Variants in PACRG observed in about 807,000 individuals in gnomAD.
PACRG encodes the protein parkin coregulated gene protein.
A neutral mutation model predicts 29.7 loss-of-function variants in PACRG; 29 were observed. The observed-to-expected ratio is 0.98, with a 90% CI of 0.73 to 1.33. The LOEUF (loss-of-function observed/expected upper bound fraction) is 1.33. Ranked by LOEUF, PACRG falls within the 40% of genes most tolerant of loss-of-function variation. The probability of loss-of-function intolerance (pLI) is 0.00; values close to 1 mark genes in which losing one functional copy is unlikely to be tolerated. For synonymous variants in PACRG, 116 were observed against 118.7 expected, an observed-to-expected ratio of 0.98 and a Z score of 0.15; for missense variants, 279 against 316.2, an observed-to-expected ratio of 0.88 and a Z score of 0.89.
Position 162,881,516 on chromosome 6 carries a change from G to T in PACRG, c.291+67235G>T, listed in dbSNP as rs1196582429. Among the ~76,000 whole-genome samples the T allele has an allele frequency of 3.3e-5, 5 of 152,292 alleles. No individual in the cohort carries two copies. In the East Asian group the frequency reaches 9.7e-4, roughly 29 times the overall value. On this transcript the variant is annotated intron_variant, in intron 2 of 4. Transcript: ENST00000366888. Reference sequence around the variant, plus strand: ...TCATCATGTTCAAGAGATTTGCAAAGAGGTGCACTTGTGGATGTTCACATG... The same window carrying T: ...TCATCATGTTCAAGAGATTTGCAAATAGGTGCACTTGTGGATGTTCACATG...
chr6:162,971,419 A>G (rs1801519232), intron 2 of PACRG, among the ~76,000 whole-genome samples: 1 of 152,200 alleles, frequency 6.6e-6, no homozygotes, highest in African/African-American at 2.4e-5. Flanking sequence ...CGGCATTATG[A>G]AGATCTGTAA....
intron 1 of PACRG, among the ~76,000 whole-genome samples, chr6:162,751,647 C>G (rs1035220705): frequency 6.6e-6 from 1 of 152,108 alleles, no homozygotes; most frequent in Non-Finnish European, 1.5e-5. Flanking sequence ...CTCTGAACTA[C>G]AAATATGCTC....
At position 163,269,412 on chromosome 6, in the gene PACRG, A is replaced by T. The variant is rs79699353; in HGVS notation, c.614-45415A>T. Among the ~76,000 whole-genome samples, 3 of 152,318 alleles carry T rather than the reference A, an allele frequency of 2.0e-5. No homozygotes were observed. The East Asian group carries it at 5.8e-4, about 29-fold the overall frequency. On this transcript the variant is annotated intron_variant, in intron 4 of 4. Coordinates refer to ENST00000366888, the MANE Select transcript of PACRG (RefSeq NM_001080379.2). The stretch of plus-strand genomic sequence containing the variant: ...TGTTTGGAGATGATTCTTCTGGTTG[A>T]CAGGTTCTGTAGATAGCCCCTACAT...
chr6:162,913,866 C>T (rs748299190), intron 2 of PACRG, among the ~76,000 whole-genome samples: 5 of 151,954 alleles, frequency 3.3e-5, no homozygotes, highest in African/African-American at 4.8e-5. Context: ...TTTTAGTGTG[C>T]TTATATATCT....
At chr6:163,091,336 C>T (rs1814092495) in intron 4 of PACRG, among the ~76,000 whole-genome samples, 1 of 152,112 alleles carries the variant, frequency 6.6e-6, no homozygotes, top group East Asian at 1.9e-4. Flanking sequence ...TTCTTTAAAC[C>T]TTTAACTCAC....
intron 4 of PACRG, among the ~76,000 whole-genome samples, chr6:163,282,107 T>C (rs1209585019): frequency 2.6e-5 from 4 of 152,204 alleles, no homozygotes; most frequent in Non-Finnish European, 5.9e-5. Flanking sequence ...GAATAAAGCA[T>C]TTGGATAATA....
chr6:163,180,177 G>A (rs902723591), intron 4 of PACRG, among the ~76,000 whole-genome samples: 3 of 152,228 alleles, frequency 2.0e-5, no homozygotes, highest in African/African-American at 7.2e-5. Context: ...AAGAGACTGA[G>A]CTTTGTGCTA....
intron 1 of PACRG, among the ~76,000 whole-genome samples, chr6:162,803,337 G>T (rs1031175628): frequency 1.3e-5 from 2 of 152,190 alleles, no homozygotes; most frequent in African/African-American, 4.8e-5. Context: ...AATGCTTGAA[G>T]GGCCTGTGCA....
At chr6:162,975,774 C>T (rs1224849439) in intron 2 of PACRG, among the ~76,000 whole-genome samples, 1 of 151,612 alleles carries the variant, frequency 6.6e-6, no homozygotes, top group Non-Finnish European at 1.5e-5. Flanking sequence ...TCTTCTCTCC[C>T]TCCCTTCTTC....
In PACRG at chr6:163,175,619, G is replaced by T. The variant is rs560713120; in HGVS notation, c.613+86211G>T. On this transcript the variant is annotated intron_variant, in intron 4 of 4. Transcript: ENST00000366888. ...GCTGCTGGGGTGCATAAGGGGGAGT[G>T]GGGAGGGACGGAATGTCGGGAGCAG... Among the ~76,000 whole-genome samples the T allele has an allele frequency of 2.1e-3, 316 of 152,130 alleles. 1 individual carries two copies. Among genetic ancestry groups the T allele is most frequent in the Non-Finnish European group, 3.5e-3 (236 of 67,994 alleles).
chr6:162,844,540 A>G (rs975946672), intron 2 of PACRG, among the ~76,000 whole-genome samples: 2 of 152,358 alleles, frequency 1.3e-5, no homozygotes, highest in Non-Finnish European at 1.5e-5. Context: ...ATGGAAATGC[A>G]GAAATCACCC....
At chr6:163,158,228 C>T (rs1431654479) in intron 4 of PACRG, among the ~76,000 whole-genome samples, 2 of 152,148 alleles carry the variant, frequency 1.3e-5, no homozygotes, top group African/African-American at 4.8e-5. Context: ...CAGGGAGTGG[C>T]CACCTTGATT....
At chr6:162,761,718 C>T (rs981992218) in intron 1 of PACRG, among the ~76,000 whole-genome samples, 7 of 151,870 alleles carry the variant, frequency 4.6e-5, no homozygotes, top group Admixed American at 3.3e-4. Flanking sequence ...GCAGGCAGAT[C>T]ACGAGGTCAA....
At chr6:163,015,293 G>T (rs960888415) in intron 2 of PACRG, among the ~76,000 whole-genome samples, 1 of 151,992 alleles carries the variant, frequency 6.6e-6, no homozygotes, top group African/African-American at 2.4e-5. Context: ...ATGCCTCTGG[G>T]TTTGTTCTTT....
At chr6:163,148,902 G>A (rs1777924345) in intron 4 of PACRG, among the ~76,000 whole-genome samples, 1 of 140,878 alleles carries the variant, frequency 7.1e-6, no homozygotes, top group Admixed American at 7.6e-5. Context: ...ACAACTGACC[G>A]GTGATCCATG....
chr6:162,872,874 T>C (rs1433111868), intron 2 of PACRG, among the ~76,000 whole-genome samples: 2 of 152,156 alleles, frequency 1.3e-5, no homozygotes, highest in Non-Finnish European at 2.9e-5. Flanking sequence ...CGCTCATAGG[T>C]AGTGCAATAC....
At chr6:163,090,669 A>G (rs1174271672) in intron 4 of PACRG, among the ~76,000 whole-genome samples, 1 of 152,226 alleles carries the variant, frequency 6.6e-6, no homozygotes, top group Non-Finnish European at 1.5e-5. Context: ...GCAAATATCC[A>G]TGAAGTTATG....
chr6:162,989,532 C>A lies in PACRG; in HGVS notation c.292-72618C>A, dbSNP rs982137961. ...AACCATCTTGAGATTACTTATAATA[C>A]CTAATACAATGTAAATGCTATGCAA... On this transcript the variant is annotated intron_variant, in intron 2 of 4. Transcript: ENST00000366888. Among the ~76,000 whole-genome samples, 9 of 152,074 alleles carry A rather than the reference C, an allele frequency of 5.9e-5. No individual in the cohort carries two copies. The East Asian group carries it at 1.5e-3, about 26-fold the overall frequency.
chr6:162,860,658 T>C (rs1791784987), intron 2 of PACRG, among the ~76,000 whole-genome samples: 2 of 152,228 alleles, frequency 1.3e-5, no homozygotes, highest in South Asian at 4.1e-4. Context: ...TTTAATGGTT[T>C]CTCTCAAATT....
Sources: gnomAD v4.1 joint callset for allele counts (sites outside exome capture counted in the v4.1 genomes callset) on GRCh38, gnomAD v4.1.1 for gene constraint, MANE v1.5 for transcripts, NCBI Gene and HGNC (gene_info 2026-07-23, HGNC 2026-07-21) for gene names.